The following OR9G1 variants were observed in gnomAD, a reference collection of about 807,000 sequenced individuals.
The protein encoded by OR9G1 is olfactory receptor family 9 subfamily G member 1.
In OR9G1, 21 loss-of-function variants were observed where a neutral mutation model predicts 14.5. The observed-to-expected ratio is 1.45, with a 90% confidence interval of 1.03 to 2.09. OR9G1 has a LOEUF of 2.09. Ranked by LOEUF, OR9G1 falls within the 30% of genes most tolerant of loss-of-function variation. The pLI is 0.00. For missense variants in OR9G1, 476 were observed against 364.2 expected (o/e 1.31, Z -2.50); for synonymous variants, 179 against 153.3 (o/e 1.17, Z -1.24).
chr11:56,703,568 A>C lies in OR9G1; in HGVS notation c.*2263A>C, dbSNP rs1011889867. 2.6e-5 allele frequency: 4 copies of C among 152,300 alleles called. No individual in the cohort carries two copies. The highest frequency in any genetic ancestry group is 9.6e-5 in the African/African-American group (4 of 41,482). 9.4% of individuals were successfully genotyped at this position (152,300 alleles called of 1,614,324 possible). Reference sequence around the variant, plus strand: ...GCAGTGGCAGTAAATCAATTATTTTATGTTTCTTGACCGAAACTAGAAAGT... The same window carrying C: ...GCAGTGGCAGTAAATCAATTATTTTCTGTTTCTTGACCGAAACTAGAAAGT... On this transcript the variant is annotated 3_prime_UTR_variant, in exon 2 of 2. Transcript: ENST00000642097.
rs763982211 is a variant in OR9G1 at position 56,701,073 on chromosome 11, C to T, written c.686C>T (p.Ser229Phe). The T allele has an allele frequency of 3.7e-6, 6 of 1,614,176 alleles. No individual in the cohort carries two copies. The highest frequency in any genetic ancestry group is 3.3e-5 in the Admixed American group (2 of 60,016). ...FIITSVLRISSSKGYLKAFST... is the reference protein window; with the variant it reads ...FIITSVLRISFSKGYLKAFST... ...ATCACCAGTGTCTTGAGGATCTCCT[C>T]CTCCAAGGGCTACCTCAAAGCCTTC... Residue 229 changes from serine (S) to phenylalanine (F), a missense_variant, in exon 2 of 2, where the codon TCC (serine) becomes TTC (phenylalanine). Physicochemically the swap from Ser to Phe is radical, Grantham distance 155 (BLOSUM62 -2). Around this residue, in one of 3 missense-constraint regions of OR9G1, gnomAD observed 352 missense variants for 211.6 expected, o/e 1.66. Coordinates refer to ENST00000642097, the MANE Select transcript of OR9G1 (RefSeq NM_001005213.2).
intron 1 of OR9G1, among the ~76,000 whole-genome samples, chr11:56,699,540 G>C (rs889322375): frequency 2.0e-5 from 3 of 152,308 alleles, no homozygotes; most frequent in African/African-American, 7.2e-5. Context: ...AAATGACTTA[G>C]GTTAATGAGA....
At chr11:56,699,855 A>G (rs1022083550) in intron 1 of OR9G1, among the ~76,000 whole-genome samples, 2 of 152,306 alleles carry the variant, frequency 1.3e-5, no homozygotes, top group Non-Finnish European at 2.9e-5. Flanking sequence ...AAAACATTGT[A>G]TCTATTCTCT....
Position 56,701,328 on chromosome 11 carries a change from G to C in OR9G1, c.*23G>C, listed in dbSNP as rs371464733. ...TAAATCAAGATTATCTCCACCAGAG[G>C]AGAAACAAAGACGACCTTAGATGGA... On this transcript the variant is annotated 3_prime_UTR_variant, in exon 2 of 2. Coordinates refer to ENST00000642097, the MANE Select transcript of OR9G1 (RefSeq NM_001005213.2). The C allele has an allele frequency of 6.4e-7, 1 of 1,572,776 alleles. No homozygotes were observed. The highest frequency in any genetic ancestry group is 1.4e-5 in the African/African-American group (1 of 73,288).
In OR9G1 at chr11:56,702,053, ATTTCAAAAATAAAAGTC is replaced by A. The variant is rs2135020990; in HGVS notation, c.*750_*766del. The A allele has an allele frequency of 6.6e-6, 1 of 152,422 alleles. No homozygotes were observed. The highest frequency in any genetic ancestry group is 2.1e-4 in the South Asian group (1 of 4,834). 9.4% of individuals were successfully genotyped at this position (152,422 alleles called of 1,614,324 possible). A position where few individuals can be genotyped will look rare whatever the true frequency, so the allele number is the denominator to read the frequency against. On this transcript the variant is annotated 3_prime_UTR_variant, in exon 2 of 2. Coordinates refer to ENST00000642097, the MANE Select transcript of OR9G1 (RefSeq NM_001005213.2). ...ATTATTATTTTGGCTAAGTGAAACAATTTCAAAAATAAAAGTCTATGAGTACACATTGATCAACAGAT... is the reference window on the plus strand; with the variant it reads ...ATTATTATTTTGGCTAAGTGAAACAATATGAGTACACATTGATCAACAGAT...
chr11:56,701,935 T>C lies in OR9G1; in HGVS notation c.*630T>C, dbSNP rs1448542453. On this transcript the variant is annotated 3_prime_UTR_variant, in exon 2 of 2. Coordinates refer to ENST00000642097, the MANE Select transcript of OR9G1 (RefSeq NM_001005213.2). ...TTCACTGTATAACTCCCAGAGCTCCTCTTTATTTTACAGGGGTGAACTTAC... is the reference window on the plus strand; with the variant it reads ...TTCACTGTATAACTCCCAGAGCTCCCCTTTATTTTACAGGGGTGAACTTAC... 6.6e-6 allele frequency: 1 copy of C among 152,300 alleles called. No individual in the cohort carries two copies. Among genetic ancestry groups the C allele is most frequent in the East Asian group, 1.9e-4 (1 of 5,208 alleles). 9.4% of individuals were successfully genotyped at this position (152,300 alleles called of 1,614,324 possible). A position where few individuals can be genotyped will look rare whatever the true frequency, so the allele number is the denominator to read the frequency against.
intron 1 of OR9G1, among the ~76,000 whole-genome samples, chr11:56,699,511 TTTAAC>T (rs1193206145): frequency 0.023 from 3,225 of 140,894 alleles, no homozygotes; most frequent in Non-Finnish European, 0.032. Context: ...ACACTTGAAT[TTTAAC>T]TTATTTACCT....
At chr11:56,700,279 T>A in intron 1 of OR9G1, 91 bp from the exon 2 acceptor site, 1 of 1,501,578 alleles carries the variant, frequency 6.7e-7, no homozygotes, top group Non-Finnish European at 8.9e-7. Context: ...GGTTCTAGAC[T>A]TCACGAAACA....
Position 56,701,089 on chromosome 11 carries a change from C to T in OR9G1, c.702C>T (p.Leu234=). 1 of 1,614,292 alleles carries T rather than the reference C, an allele frequency of 6.2e-7. No individual in the cohort carries two copies. The highest frequency in any genetic ancestry group is 8.5e-7 in the Non-Finnish European group (1 of 1,180,034). ...VLRISSSKGY[L]KAFSTCSSHL... is the part of the protein sequence containing the mutation. The stretch of plus-strand genomic sequence containing the variant: ...GGATCTCCTCCTCCAAGGGCTACCT[C>T]AAAGCCTTCTCCACATGCTCCTCCC... Residue 234 remains leucine (L), a synonymous_variant, in exon 2 of 2, where the codon CTC becomes CTT. Coordinates refer to ENST00000642097, the MANE Select transcript of OR9G1 (RefSeq NM_001005213.2).
chr11:56,700,368 A>G lies in OR9G1; in HGVS notation c.-18-2A>G, dbSNP rs764032702. On this transcript the variant is annotated splice_acceptor_variant, in intron 1 of 1. Transcript: ENST00000642097. LOFTEE classifies it low-confidence loss of function (5UTR_SPLICE). Reference sequence around the variant, plus strand: ...AACTGAGCTCATTTTCTTTCCCCATAGGTGAGATTCCTTACAGCCATGCAG... The same window carrying G: ...AACTGAGCTCATTTTCTTTCCCCATGGGTGAGATTCCTTACAGCCATGCAG... 1.3e-4 allele frequency: 214 copies of G among 1,613,078 alleles called. No individual in the cohort carries two copies. The highest frequency in any genetic ancestry group is 1.7e-4 in the Non-Finnish European group (206 of 1,179,408).
At position 56,700,452 on chromosome 11, in the gene OR9G1, T is replaced by A; in HGVS notation, c.65T>A (p.Met22Lys). The A allele has an allele frequency of 3.1e-6, 5 of 1,614,312 alleles. No individual in the cohort carries two copies. The highest frequency in any genetic ancestry group is 4.2e-6 in the Non-Finnish European group (5 of 1,180,058). The change falls in exon 2 of 2, where the codon ATG becomes AAG. Residue 22 changes from methionine to lysine, a missense_variant. By Grantham distance (95) the Met-to-Lys change is moderately conservative. Transcript: ENST00000642097. Reference protein sequence around the residue: ...ILLGFTTDPGMQLGLFVVFLG... With the variant: ...ILLGFTTDPGKQLGLFVVFLG... ...CTGGGCTTCACCACAGACCCAGGAA[T>A]GCAGCTGGGCCTCTTCGTGGTGTTC...
At position 56,700,698 on chromosome 11, in the gene OR9G1, C is replaced by T. The variant is rs770002947; in HGVS notation, c.311C>T (p.Ala104Val). 10 of 1,614,294 alleles carry T rather than the reference C, an allele frequency of 6.2e-6. No individual in the cohort carries two copies. Among genetic ancestry groups the T allele is most frequent in the South Asian group, 3.3e-5 (3 of 91,092 alleles). ...TGCCTGTGTCAGTTCTTCTTCTCTG[C>T]AGGGCTGGCCTATAGTGAGTGCTAC... Reference protein sequence around the residue: ...AGCLCQFFFSAGLAYSECYLL... With the variant: ...AGCLCQFFFSVGLAYSECYLL... The change falls in exon 2 of 2, where the codon GCA becomes GTA. Residue 104 changes from alanine to valine, a missense_variant. Physicochemically the swap from Ala to Val is moderately conservative, Grantham distance 64. Around this residue, in one of 3 missense-constraint regions of OR9G1, gnomAD observed 35 missense variants for 67.6 expected, o/e 0.52. Coordinates refer to ENST00000642097, the MANE Select transcript of OR9G1 (RefSeq NM_001005213.2).
chr11:56,700,327 T>C, intron 1 of OR9G1, 43 bp from the exon 2 acceptor site: 1 of 1,593,640 alleles, frequency 6.3e-7, no homozygotes, highest in Non-Finnish European at 8.5e-7. Context: ...TTCTACATAT[T>C]CATGACAGTA....
rs111273874 is a variant in OR9G1, at chr11:56,703,352, C to G, written c.*2047C>G. The G allele has an allele frequency of 1.9e-5, 1 of 52,696 alleles. No individual in the cohort carries two copies. The highest frequency in any genetic ancestry group is 7.0e-5 in the African/African-American group (1 of 14,340). The allele number at this position is 52,696 out of a possible 1,614,324, so 3.3% of individuals were successfully genotyped here. ...CAAGTTGCAACACACAGTAACACAG[C>G]CGAAACAGAGTCCAACAGTGTAATT... On this transcript the variant is annotated 3_prime_UTR_variant, in exon 2 of 2. Coordinates refer to ENST00000642097, the MANE Select transcript of OR9G1 (RefSeq NM_001005213.2).
chr11:56,699,923 T>C (rs1478091904), intron 1 of OR9G1, among the ~76,000 whole-genome samples: 2 of 152,422 alleles, frequency 1.3e-5, no homozygotes, highest in East Asian at 1.9e-4. Flanking sequence ...TTATGAGATA[T>C]GAATTTATAA....
At chr11:56,700,248 A>T in intron 1 of OR9G1, 122 bp from the exon 2 acceptor site, 1 of 1,413,922 alleles carries the variant, frequency 7.1e-7, no homozygotes, top group South Asian at 1.5e-5. Flanking sequence ...AAGACTTTCT[A>T]AAACAAACAA....
chr11:56,699,336 G>A (rs1391254947), intron 1 of OR9G1, 146 bp downstream of exon 1: 3 of 152,340 alleles, frequency 2.0e-5, no homozygotes, highest in East Asian at 1.9e-4. Context: ...ATGGAGTAGA[G>A]GTAGCAAAAG....
At position 56,703,810 on chromosome 11, in the gene OR9G1, A is replaced by T. The variant is rs80320237; in HGVS notation, c.*2505A>T. 14 of 152,090 alleles carry T rather than the reference A, an allele frequency of 9.2e-5. No individual in the cohort carries two copies. The highest frequency in any genetic ancestry group is 2.9e-4 in the African/African-American group (12 of 41,460). The allele number at this position is 152,090 out of a possible 1,614,324, so 9.4% of individuals were successfully genotyped here. ...GCCCATATATCCATATATTGTAAAC[A>T]TAGCTCGCTAAGTGCATATTCATAT... On this transcript the variant is annotated 3_prime_UTR_variant, in exon 2 of 2. Coordinates refer to ENST00000642097, the MANE Select transcript of OR9G1 (RefSeq NM_001005213.2).
chr11:56,699,884 T>G (rs954715293), intron 1 of OR9G1, among the ~76,000 whole-genome samples: 2 of 152,310 alleles, frequency 1.3e-5, no homozygotes, highest in African/African-American at 4.8e-5. Context: ...TATACTTTTC[T>G]TAGTATTTTC....
Sources: gnomAD v4.1 joint callset for allele counts (sites outside exome capture counted in the v4.1 genomes callset) on GRCh38, gnomAD v4.1.1 for gene constraint, gnomAD v4.1.1 regional missense constraint, MANE v1.5 for transcripts, NCBI Gene and HGNC (gene_info 2026-07-23, HGNC 2026-07-21) for gene names.